Variants in INVS observed in about 807,000 individuals in gnomAD.
INVS encodes inversion of embryo turning homolog.
A neutral mutation model predicts 108.8 loss-of-function variants in INVS; 86 were observed. The ratio of observed to expected loss-of-function variants is 0.79; its 90% CI spans 0.66 to 0.95. The LOEUF (loss-of-function observed/expected upper bound fraction) is 0.95. Ranked by LOEUF, INVS falls within the 40% of genes least tolerant of loss-of-function variation. The pLI is 0.00. For synonymous variants in INVS, 455 were observed against 473.5 expected (o/e 0.96, Z 0.51); for missense variants, 1,169 against 1,297.4 (o/e 0.90, Z 1.52).
At chr9:100,136,995 G>A (rs900723611) in intron 3 of INVS, among the ~76,000 whole-genome samples, 9 of 152,014 alleles carry the variant, frequency 5.9e-5, no homozygotes. Context: ...AGCCGTGATC[G>A]CGCCACTGTA....
intron 9 of INVS, among the ~76,000 whole-genome samples, chr9:100,252,693 C>T (rs1263047936): frequency 6.6e-6 from 1 of 152,158 alleles, no homozygotes; most frequent in Non-Finnish European, 1.5e-5. Context: ...GATTCCTAGC[C>T]AGTCCAATTT....
At chr9:100,251,504 C>T (rs146007539) in intron 8 of INVS, among the ~76,000 whole-genome samples, 42 of 152,364 alleles carry the variant, frequency 2.8e-4, no homozygotes, top group African/African-American at 9.9e-4. Flanking sequence ...CTCTGGACAG[C>T]ACAAGAGAGG....
intron 3 of INVS, among the ~76,000 whole-genome samples, chr9:100,224,854 TC>T (rs1831261547): frequency 6.6e-6 from 1 of 151,366 alleles, no homozygotes; most frequent in African/African-American, 2.4e-5. Flanking sequence ...GACCTCGTGA[TC>T]CCCCCACCTC....
At chr9:100,161,388 A>AACAAAAAAAAACC (rs1554718617) in intron 3 of INVS, among the ~76,000 whole-genome samples, 15 of 139,048 alleles carry the variant, frequency 1.1e-4, no homozygotes, top group African/African-American at 4.4e-4. Context: ...AAAAAAAAAA[A>AACAAAAAAAAACC]AAAACCTCAT....
chr9:100,165,180 A>G (rs1297239837), intron 3 of INVS, among the ~76,000 whole-genome samples: 2 of 151,966 alleles, frequency 1.3e-5, no homozygotes, highest in Non-Finnish European at 2.9e-5. Flanking sequence ...ACAGGCATAC[A>G]ATGTGTCATA....
At chr9:100,202,092 G>GTTTTTTTTTTTT (rs35296886) in intron 3 of INVS, among the ~76,000 whole-genome samples, 1 of 147,868 alleles carries the variant, frequency 6.8e-6, no homozygotes, top group Non-Finnish European at 1.5e-5. Context: ...TATTACAATA[G>GTTTTTTTTTTTT]TTTTTTTTTT....
At chr9:100,117,565 A>G in intron 2 of INVS, 6 of 1,020,758 alleles carry the variant, frequency 5.9e-6, no homozygotes, top group South Asian at 4.0e-5. Context: ...CGCGGAAGCC[A>G]CCGCGGTTCC....
At position 100,299,049 on chromosome 9, in the gene INVS, T is replaced by C. The variant is rs528909072; in HGVS notation, c.3091+1039T>C. ...CTTAAGAGAAAAACAAATCCAAGAC[T>C]ACCAGAAATCTTTTAAAATGGTGTT... On this transcript the variant is annotated intron_variant, in intron 16 of 16. Coordinates refer to ENST00000262457, the MANE Select transcript of INVS (RefSeq NM_014425.5). Among the ~76,000 whole-genome samples, 6 of 152,338 alleles carry C rather than the reference T, an allele frequency of 3.9e-5. 1 individual carries two copies. The South Asian group carries it at 1.0e-3, about 26-fold the overall frequency.
chr9:100,288,566 G>T (rs375656259), intron 13 of INVS, among the ~76,000 whole-genome samples: 2 of 151,956 alleles, frequency 1.3e-5, no homozygotes, highest in South Asian at 2.1e-4. Flanking sequence ...AGCTGAGAGG[G>T]CCTATTATGT....
chr9:100,113,417 A>G (rs903686173), intron 2 of INVS, among the ~76,000 whole-genome samples: 2 of 152,232 alleles, frequency 1.3e-5, no homozygotes, highest in African/African-American at 4.8e-5. Context: ...GCTTTTTACC[A>G]GCGAAGTAAA....
Position 100,138,355 on chromosome 9 carries a change from G to A in INVS, c.273+11806G>A, listed in dbSNP as rs964105286. Among the ~76,000 whole-genome samples the A allele has an allele frequency of 3.3e-5, 5 of 152,258 alleles. No individual in the cohort carries two copies. The South Asian group carries it at 6.2e-4, about 19-fold the overall frequency. ...CAGTGGGTAGAAGTTGCAGTGAGCC[G>A]AGATCGTGCCATTGCACTCCAGCTA... On this transcript the variant is annotated intron_variant, in intron 3 of 16. Coordinates refer to ENST00000262457, the MANE Select transcript of INVS (RefSeq NM_014425.5).
At chr9:100,246,540 A>T in intron 7 of INVS, 76 bp from the exon 8 acceptor site, 1 of 1,014,022 alleles carries the variant, frequency 9.9e-7, no homozygotes, top group Admixed American at 2.1e-5. Context: ...TGGAATTCAC[A>T]TATTATTATA....
In INVS at chr9:100,265,858, A is replaced by G. The variant is rs547763472; in HGVS notation, c.1571+930A>G. 1.6e-4 allele frequency among the ~76,000 whole-genome samples: 24 copies of G among 152,314 alleles called. 2 individuals carry two copies. The South Asian group carries it at 3.7e-3, about 24-fold the overall frequency. On this transcript the variant is annotated intron_variant, in intron 11 of 16. Coordinates refer to ENST00000262457, the MANE Select transcript of INVS (RefSeq NM_014425.5). ...TTGGGAGGCCAAGGCGAGCAGATCA[A>G]CTGAGGTCAGGAGTTCGAAACCAGC...
chr9:100,187,075 T>G (rs1830076199), intron 3 of INVS, among the ~76,000 whole-genome samples: 1 of 152,136 alleles, frequency 6.6e-6, no homozygotes, highest in African/African-American at 2.4e-5. Flanking sequence ...TTTCTACATG[T>G]GCGTATCCAG....
chr9:100,270,149 T>TA (rs1257297871), intron 11 of INVS, among the ~76,000 whole-genome samples: 6 of 152,160 alleles, frequency 3.9e-5, no homozygotes, highest in Admixed American at 3.9e-4. Flanking sequence ...TTTGAGTTCA[T>TA]AAAATCTATA....
intron 1 of INVS, among the ~76,000 whole-genome samples, chr9:100,103,321 G>C (rs1827063254): frequency 6.6e-6 from 1 of 151,828 alleles, no homozygotes; most frequent in African/African-American, 2.4e-5. Flanking sequence ...ACCATGCTCA[G>C]CTAATTTTTA....
intron 12 of INVS, among the ~76,000 whole-genome samples, chr9:100,282,230 CA>C (rs1196051286): frequency 6.6e-6 from 1 of 152,168 alleles, no homozygotes; most frequent in African/African-American, 2.4e-5. Flanking sequence ...CCAGAGAGAT[CA>C]CACTGAAATG....
At chr9:100,229,152 G>A (rs975613275) in intron 4 of INVS, among the ~76,000 whole-genome samples, 4 of 152,180 alleles carry the variant, frequency 2.6e-5, no homozygotes, top group Non-Finnish European at 5.9e-5. Flanking sequence ...TAAGTTGAGA[G>A]CTTTCACCTT....
chr9:100,163,815 C>A (rs930745703), intron 3 of INVS, among the ~76,000 whole-genome samples: 1 of 152,160 alleles, frequency 6.6e-6, no homozygotes, highest in African/African-American at 2.4e-5. Context: ...AGCAAGGAGG[C>A]CACTGTGGCT....
Sources: gnomAD v4.1 joint callset for allele counts (sites outside exome capture counted in the v4.1 genomes callset) on GRCh38, gnomAD v4.1.1 for gene constraint, MANE v1.5 for transcripts, NCBI Gene and HGNC (gene_info 2026-07-23, HGNC 2026-07-21) for gene names.